The following RBFOX1 variants were observed in gnomAD, a reference collection of about 807,000 sequenced individuals.
The protein encoded by RBFOX1 is RNA binding fox-1 homolog 1.
Under a neutral mutation model 57.7 loss-of-function variants are expected in RBFOX1, and 8 were observed. The ratio of observed to expected loss-of-function variants is 0.14; its 90% CI spans 0.08 to 0.25. The LOEUF (loss-of-function observed/expected upper bound fraction) is 0.25. Among genes scored for constraint, RBFOX1 ranks in the 10% least tolerant of loss-of-function variants. The pLI, the probability that RBFOX1 is intolerant of heterozygous loss-of-function variation, is 1.00. For synonymous variants in RBFOX1, 326 were observed against 222.4 expected, an observed-to-expected ratio of 1.47 and a Z score of -4.15; for missense variants, 611 against 548.5, an observed-to-expected ratio of 1.11 and a Z score of -1.14.
At chr16:7,175,784 G>A (rs2081536227) in intron 4 of RBFOX1, among the ~76,000 whole-genome samples, 2 of 152,128 alleles carry the variant, frequency 1.3e-5, no homozygotes, top group African/African-American at 2.4e-5. Flanking sequence ...CCTTCTCAGA[G>A]TAAAGCAAGT....
Position 5,987,193 on chromosome 16 carries a change from C to T in RBFOX1, c.351+119858C>T, listed in dbSNP as rs185693625. Among the ~76,000 whole-genome samples the T allele has an allele frequency of 3.5e-3, 531 of 152,274 alleles. 1 individual carries two copies. Among genetic ancestry groups the T allele is most frequent in the Non-Finnish European group, 5.5e-3 (374 of 68,018 alleles). On this transcript the variant is annotated intron_variant, in intron 4 of 19. Transcript: ENST00000641259. The stretch of plus-strand genomic sequence containing the variant: ...TACTTTTTATTGAATTGTTTGTTCA[C>T]ATATTTTGCCTCCTGTCTAATTGGA...
intron 3 of RBFOX1, 130 bp downstream of exon 3, chr16:6,654,780 G>C (rs574939829): frequency 1.6e-6 from 1 of 606,222 alleles, no homozygotes; most frequent in East Asian, 3.3e-5. Context: ...CATATTTAAA[G>C]ACAATCAGAC....
chr16:6,010,721 A>G (rs1415687224), intron 4 of RBFOX1, among the ~76,000 whole-genome samples: 1 of 152,232 alleles, frequency 6.6e-6, no homozygotes, highest in African/African-American at 2.4e-5. Flanking sequence ...AGTTTTGACT[A>G]AATTCCCAAA....
intron 10 of RBFOX1, 43 bp downstream of exon 10, chr16:7,607,381 A>G (rs200692185): frequency 3.1e-5 from 48 of 1,561,732 alleles, no homozygotes; most frequent in East Asian, 2.3e-5. Flanking sequence ...AGTCTTTTCT[A>G]AATGTGCTTT....
intron 5 of RBFOX1, among the ~76,000 whole-genome samples, chr16:7,576,064 C>G (rs963209020): frequency 5.3e-5 from 8 of 151,592 alleles, no homozygotes; most frequent in Non-Finnish European, 1.0e-4. Flanking sequence ...TCCCAAGTAG[C>G]TGGGATGGCA....
intron 4 of RBFOX1, among the ~76,000 whole-genome samples, chr16:5,888,625 G>A (rs372293327): frequency 1.3e-4 from 19 of 151,956 alleles, no homozygotes; most frequent in African/African-American, 4.3e-4. Flanking sequence ...GGGAAACCTC[G>A]TCTCTACTAA....
chr16:6,798,660 T>C (rs1056167380), intron 3 of RBFOX1, among the ~76,000 whole-genome samples: 1 of 152,220 alleles, frequency 6.6e-6, no homozygotes, highest in Non-Finnish European at 1.5e-5. Context: ...TGTGCTTTTT[T>C]GGCTTTAATT....
intron 4 of RBFOX1, among the ~76,000 whole-genome samples, chr16:7,100,589 A>G (rs547182092): frequency 1.7e-4 from 24 of 142,192 alleles, no homozygotes; most frequent in Non-Finnish European, 1.7e-4. Context: ...TTTTTTTAGC[A>G]TATGGCTATA....
At chr16:6,985,776 A>G (rs761705516) in intron 3 of RBFOX1, among the ~76,000 whole-genome samples, 1 of 144,440 alleles carries the variant, frequency 6.9e-6, no homozygotes, top group African/African-American at 2.7e-5. Flanking sequence ...AGAGGTTGCA[A>G]TGAGCTTAGT....
chr16:7,632,834 G>A (rs1350531693), intron 11 of RBFOX1, among the ~76,000 whole-genome samples: 1 of 152,216 alleles, frequency 6.6e-6, no homozygotes, highest in East Asian at 1.9e-4. Context: ...ATATTGGACA[G>A]TATGGCTCTA....
intron 4 of RBFOX1, among the ~76,000 whole-genome samples, chr16:7,326,303 C>T (rs1342744774): frequency 6.6e-6 from 1 of 152,092 alleles, no homozygotes; most frequent in African/African-American, 2.4e-5. Flanking sequence ...AGAATCTCAG[C>T]CCCATAGATC....
At chr16:6,412,832 T>G (rs1428302364) in intron 2 of RBFOX1, among the ~76,000 whole-genome samples, 1 of 152,220 alleles carries the variant, frequency 6.6e-6, no homozygotes, top group Non-Finnish European at 1.5e-5. Context: ...CATCAGTCTT[T>G]CTGCTGTTCC....
chr16:5,976,963 G>A (rs750887238), intron 4 of RBFOX1, among the ~76,000 whole-genome samples: 2 of 152,122 alleles, frequency 1.3e-5, no homozygotes, highest in African/African-American at 2.4e-5. Context: ...CCTCCTGCAC[G>A]TGCACTTCTC....
intron 4 of RBFOX1, among the ~76,000 whole-genome samples, chr16:7,276,417 T>C (rs538729001): frequency 6.6e-6 from 1 of 152,342 alleles, no homozygotes; most frequent in South Asian, 2.1e-4. Context: ...GGACATCCAT[T>C]AGAATGACAA....
At chr16:7,549,554 A>T (rs1567778848) in intron 5 of RBFOX1, among the ~76,000 whole-genome samples, 1 of 152,194 alleles carries the variant, frequency 6.6e-6, no homozygotes, top group Non-Finnish European at 1.5e-5. Flanking sequence ...TCCGAGTCCT[A>T]GAGCCTCAAA....
chr16:7,416,780 A>T (rs1037072720), intron 4 of RBFOX1, among the ~76,000 whole-genome samples: 2 of 152,166 alleles, frequency 1.3e-5, no homozygotes, highest in African/African-American at 4.8e-5. Context: ...TAATAATGAC[A>T]ATGACGATAG....
intron 3 of RBFOX1, among the ~76,000 whole-genome samples, chr16:7,045,924 C>T (rs1045122390): frequency 9.2e-5 from 14 of 152,160 alleles, no homozygotes; most frequent in African/African-American, 3.4e-4. Flanking sequence ...TCCCAAAGTG[C>T]TGGGATTACA....
chr16:6,823,547 G>C (rs929804295), intron 3 of RBFOX1, among the ~76,000 whole-genome samples: 1 of 152,150 alleles, frequency 6.6e-6, no homozygotes, highest in Non-Finnish European at 1.5e-5. Flanking sequence ...GGGAGCCACT[G>C]TGTCTGGCCA....
At chr16:7,143,495 C>T (rs376151950) in intron 4 of RBFOX1, among the ~76,000 whole-genome samples, 1 of 152,094 alleles carries the variant, frequency 6.6e-6, no homozygotes, top group Non-Finnish European at 1.5e-5. Flanking sequence ...GCCATATTCC[C>T]ATATCCTACC....
Sources: gnomAD v4.1 joint callset for allele counts (sites outside exome capture counted in the v4.1 genomes callset) on GRCh38, gnomAD v4.1.1 for gene constraint, MANE v1.5 for transcripts, NCBI Gene and HGNC (gene_info 2026-07-23, HGNC 2026-07-21) for gene names.